The following ADAMTS2 variants were observed in gnomAD, a reference collection of about 807,000 sequenced individuals.
ADAMTS2 encodes the protein A disintegrin and metalloproteinase with thrombospondin motifs 2.
Under a neutral mutation model 123.0 loss-of-function variants are expected in ADAMTS2, and 50 were observed. That is an observed-to-expected ratio of 0.41 (90% CI 0.32 to 0.51). The LOEUF is 0.51. ADAMTS2 is among the 20% of genes least tolerant of loss of function. The probability of loss-of-function intolerance (pLI) is 0.35; values close to 1 mark genes in which losing one functional copy is unlikely to be tolerated. For synonymous variants in ADAMTS2, 678 were observed against 695.4 expected, an observed-to-expected ratio of 0.98 and a Z score of 0.39; for missense variants, 1,494 against 1,705.2, an observed-to-expected ratio of 0.88 and a Z score of 2.18.
At chr5:179,190,196 G>T (rs546711055) in intron 4 of ADAMTS2, among the ~76,000 whole-genome samples, 1 of 152,164 alleles carries the variant, frequency 6.6e-6, no homozygotes, top group Admixed American at 6.5e-5. Context: ...AAATAGTGGT[G>T]AAGTGTTGGG....
chr5:179,129,875 TC>T lies in ADAMTS2; in HGVS notation c.2457+56del. ...AGGCTCAGCGTCCCAGGCACCCCCATCCCTCCCCCAGTGGCCACCCGCACCC... is the reference window on the plus strand; with the variant it reads ...AGGCTCAGCGTCCCAGGCACCCCCATCCTCCCCCAGTGGCCACCCGCACCC... On this transcript the variant is annotated intron_variant, in intron 16 of 21. Transcript: ENST00000251582. The surrounding 1 kb of genome is among the most constrained non-coding windows in gnomAD (Gnocchi z 4.1). The T allele has an allele frequency of 6.9e-6, 11 of 1,603,798 alleles. No homozygotes were observed. Among genetic ancestry groups the T allele is most frequent in the Non-Finnish European group, 9.4e-6 (11 of 1,174,276 alleles).
rs550602912 is a variant in ADAMTS2, at chr5:179,307,282, C to T, written c.535-34218G>A. On this transcript the variant is annotated intron_variant, in intron 2 of 21. Coordinates refer to ENST00000251582, the MANE Select transcript of ADAMTS2 (RefSeq NM_014244.5). This position sits in a 1 kb window ranked among gnomAD's most constrained non-coding sequence, Gnocchi z 5.6. ...CCCTGCAAGCCTCAGCCTTCAGGGA[C>T]GGCAAGACCTGGGGCCCACAGGAGG... Among the ~76,000 whole-genome samples, 9 of 152,268 alleles carry T rather than the reference C, an allele frequency of 5.9e-5. No homozygotes were observed. In the East Asian group the frequency reaches 1.2e-3, roughly 20 times the overall value.
chr5:179,188,857 T>A lies in ADAMTS2; in HGVS notation c.892-7702A>T, dbSNP rs908537374. ...CAGAGCCCAGCAGGGTCTCAAGAGA[T>A]GTGCTGCACCCCTCAGTGTGGCACT... is the stretch of plus-strand genomic sequence containing the variant. On this transcript the variant is annotated intron_variant, in intron 4 of 21. Transcript: ENST00000251582. The surrounding 1 kb of genome is among the most constrained non-coding windows in gnomAD (Gnocchi z 5.1). 2.6e-5 allele frequency among the ~76,000 whole-genome samples: 4 copies of A among 152,168 alleles called. No homozygotes were observed. The highest frequency in any genetic ancestry group is 5.9e-5 in the Non-Finnish European group (4 of 68,030).
chr5:179,195,687 C>G (rs60909514), intron 4 of ADAMTS2, among the ~76,000 whole-genome samples: 2,548 of 152,320 alleles, frequency 0.017, 84 homozygotes, highest in African/African-American at 0.057. Flanking sequence ...ACTGTGAGCA[C>G]GTGAGGGCAC....
intron 13 of ADAMTS2, among the ~76,000 whole-genome samples, chr5:179,133,726 CT>C (rs58209465): frequency 1.4e-3 from 200 of 144,326 alleles, no homozygotes; most frequent in Middle Eastern, 7.4e-3. Context: ...TTAACCTATT[CT>C]TTTTTTTTTT....
In ADAMTS2 at chr5:179,312,539, C is replaced by T. The variant is rs902676608; in HGVS notation, c.534+31228G>A. ...AAATAAGCTTCCGATGCTTTTAAGC[C>T]GCTCCGTTTATGGTATTTGGCTATA... On this transcript the variant is annotated intron_variant, in intron 2 of 21. Coordinates refer to ENST00000251582, the MANE Select transcript of ADAMTS2 (RefSeq NM_014244.5). The surrounding 1 kb of genome is among the most constrained non-coding windows in gnomAD (Gnocchi z 4.2). 5.9e-5 allele frequency among the ~76,000 whole-genome samples: 9 copies of T among 152,192 alleles called. No homozygotes were observed. The highest frequency in any genetic ancestry group is 2.0e-4 in the Admixed American group (3 of 15,274).
chr5:179,257,505 C>T (rs1766088929), intron 3 of ADAMTS2, among the ~76,000 whole-genome samples: 1 of 152,206 alleles, frequency 6.6e-6, no homozygotes, highest in Non-Finnish European at 1.5e-5. Flanking sequence ...CACGCCTGCT[C>T]CCTCAGTGCC....
intron 4 of ADAMTS2, among the ~76,000 whole-genome samples, chr5:179,187,017 G>A (rs112978261): frequency 3.2e-4 from 49 of 152,062 alleles, no homozygotes; most frequent in African/African-American, 7.2e-4. Context: ...TTCTCCATGC[G>A]TCACTTCAGA....
rs554608834 is a variant in ADAMTS2, at chr5:179,228,946, G to A, written c.689-21231C>T. On this transcript the variant is annotated intron_variant, in intron 3 of 21. Coordinates refer to ENST00000251582, the MANE Select transcript of ADAMTS2 (RefSeq NM_014244.5). The surrounding 1 kb of genome is among the most constrained non-coding windows in gnomAD (Gnocchi z 5.2). The stretch of plus-strand genomic sequence containing the variant: ...TGGCTGGATCCTGAGCTCCTCCCCC[G>A]GCCTGTGCTTGAGAGGTGACAGCCA... Among the ~76,000 whole-genome samples, 14 of 152,256 alleles carry A rather than the reference G, an allele frequency of 9.2e-5. 1 individual carries two copies. The highest frequency in any genetic ancestry group is 1.9e-4 in the East Asian group (1 of 5,170).
intron 3 of ADAMTS2, among the ~76,000 whole-genome samples, chr5:179,236,225 T>C (rs1013154943): frequency 2.0e-5 from 3 of 152,184 alleles, no homozygotes; most frequent in African/African-American, 4.8e-5. Context: ...CTCCAAGTCT[T>C]GGACTTTGGG....
chr5:179,124,862 G>A (rs903578341), intron 19 of ADAMTS2, 111 bp downstream of exon 19: 64 of 1,596,998 alleles, frequency 4.0e-5, no homozygotes, highest in African/African-American at 6.9e-5. Flanking sequence ...TGGCATGCAC[G>A]GAGCGGGTGG....
rs908286031 is a variant in ADAMTS2 at position 179,314,347 on chromosome 5, C to T, written c.534+29420G>A. ...CTGCCACGTCTCACTGGGAGCTGGG[C>T]GGCCGCCAGCTCTGAGCTAAGTGAG... On this transcript the variant is annotated intron_variant, in intron 2 of 21. Transcript: ENST00000251582. This position sits in a 1 kb window ranked among gnomAD's most constrained non-coding sequence, Gnocchi z 4.5. Among the ~76,000 whole-genome samples the T allele has an allele frequency of 6.6e-5, 10 of 152,234 alleles. No individual in the cohort carries two copies. Among genetic ancestry groups the T allele is most frequent in the South Asian group, 6.2e-4 (3 of 4,838 alleles).
intron 3 of ADAMTS2, among the ~76,000 whole-genome samples, chr5:179,211,314 T>C (rs1764845065): frequency 6.6e-6 from 1 of 152,292 alleles, no homozygotes; most frequent in South Asian, 2.1e-4. Flanking sequence ...ACACTGCCCT[T>C]GGCCTTCCTT....
rs1764056593 is a variant in ADAMTS2, at chr5:179,181,861, C to T, written c.892-706G>A. Among the ~76,000 whole-genome samples, 6 of 152,294 alleles carry T rather than the reference C, an allele frequency of 3.9e-5. No homozygotes were observed. The South Asian group carries it at 1.0e-3, about 26-fold the overall frequency. ...ATCAAAGGGACCCGTGGCACAAAAA[C>T]AGGGGGGTGAACTCCCCTTCTACAG... On this transcript the variant is annotated intron_variant, in intron 4 of 21. Transcript: ENST00000251582. The surrounding 1 kb of genome is among the most constrained non-coding windows in gnomAD (Gnocchi z 4.1).
Position 179,170,884 on chromosome 5 carries a change from A to T in ADAMTS2, c.975+10188T>A, listed in dbSNP as rs751992150. 1.3e-5 allele frequency among the ~76,000 whole-genome samples: 2 copies of T among 152,098 alleles called. No individual in the cohort carries two copies. Among genetic ancestry groups the T allele is most frequent in the Non-Finnish European group, 1.5e-5 (1 of 68,022 alleles). On this transcript the variant is annotated intron_variant, in intron 5 of 21. Transcript: ENST00000251582. The surrounding 1 kb of genome is among the most constrained non-coding windows in gnomAD (Gnocchi z 4.3). ...GGATGCTTTGGGGGCACAAGGATAC[A>T]TCTCCTCCCACGTTCATCAGACACC... is the stretch of plus-strand genomic sequence containing the variant.
chr5:179,278,841 T>C (rs1014107094), intron 2 of ADAMTS2, among the ~76,000 whole-genome samples: 3 of 151,854 alleles, frequency 2.0e-5, no homozygotes, highest in Non-Finnish European at 4.4e-5. Context: ...ACGCCTGCCC[T>C]GCCTCTTCCT....
intron 5 of ADAMTS2, among the ~76,000 whole-genome samples, chr5:179,161,640 C>T (rs760378436): frequency 7.9e-5 from 12 of 152,006 alleles, no homozygotes; most frequent in African/African-American, 2.2e-4. Context: ...GCCTGGAATC[C>T]GTAAGAATGT....
At chr5:179,200,511 A>C (rs1176277022) in intron 4 of ADAMTS2, among the ~76,000 whole-genome samples, 1 of 152,086 alleles carries the variant, frequency 6.6e-6, no homozygotes, top group Non-Finnish European at 1.5e-5. Flanking sequence ...GGCCTCCCAA[A>C]GTCCTAGGAT....
At position 179,155,391 on chromosome 5, in the gene ADAMTS2, G is replaced by A. The variant is rs1001992408; in HGVS notation, c.1133-472C>T. Among the ~76,000 whole-genome samples, 1 of 152,178 alleles carries A rather than the reference G, an allele frequency of 6.6e-6. No homozygotes were observed. The highest frequency in any genetic ancestry group is 1.5e-5 in the Non-Finnish European group (1 of 68,036). ...CCCTCCAAGCCCACCTCCTCTGGGGGGCGTTTCTTGGGTCTCCCCGTGTTT... is the reference window on the plus strand; with the variant it reads ...CCCTCCAAGCCCACCTCCTCTGGGGAGCGTTTCTTGGGTCTCCCCGTGTTT... On this transcript the variant is annotated intron_variant, in intron 6 of 21. Coordinates refer to ENST00000251582, the MANE Select transcript of ADAMTS2 (RefSeq NM_014244.5). The surrounding 1 kb of genome is among the most constrained non-coding windows in gnomAD (Gnocchi z 5.1).
Sources: allele counts gnomAD v4.1 joint callset (sites outside exome capture counted in the v4.1 genomes callset), GRCh38; gene constraint gnomAD v4.1.1; non-coding constraint Gnocchi (gnomAD v3.1); transcripts MANE v1.5; gene names NCBI Gene and HGNC (gene_info 2026-07-23, HGNC 2026-07-21).